Variants in SPEF2 observed in about 807,000 individuals in gnomAD.
The protein encoded by SPEF2 is sperm flagella and cilia-associated protein 2.
SPEF2 carries 187 observed loss-of-function variants against 224.6 expected under a neutral mutation model. That is an observed-to-expected ratio of 0.83 (90% CI 0.74 to 0.94). The LOEUF is 0.94. SPEF2 is among the 40% of genes least tolerant of loss of function. The pLI is 0.00. For synonymous variants in SPEF2, 715 were observed against 707.3 expected, an observed-to-expected ratio of 1.01 and a Z score of -0.17; for missense variants, 2,170 against 2,135.6, an observed-to-expected ratio of 1.02 and a Z score of -0.32.
In SPEF2 at chr5:35,779,087, G is replaced by C. The variant is rs1267958868; in HGVS notation, c.4218-30G>C. 2.6e-6 allele frequency: 4 copies of C among 1,536,368 alleles called. No homozygotes were observed. The African/African-American group carries it at 4.1e-5, about 16-fold the overall frequency. Reference sequence around the variant, plus strand: ...ATTAATCTAATAGTATCTTTCATGGGGTTAACGCTATCCATTTTACCACTT... The same window carrying C: ...ATTAATCTAATAGTATCTTTCATGGCGTTAACGCTATCCATTTTACCACTT... On this transcript the variant is annotated intron_variant, in intron 29 of 36. Transcript: ENST00000356031.
At chr5:35,752,855 G>A (rs1052520390) in intron 23 of SPEF2, among the ~76,000 whole-genome samples, 1 of 151,412 alleles carries the variant, frequency 6.6e-6, no homozygotes, top group Non-Finnish European at 1.5e-5. Context: ...CAAGTATAGT[G>A]ACTTATGTTC....
chr5:35,635,740 G>A (rs776253184), intron 2 of SPEF2, among the ~76,000 whole-genome samples: 9 of 152,120 alleles, frequency 5.9e-5, no homozygotes, highest in Non-Finnish European at 1.2e-4. Flanking sequence ...ATAACTCCAA[G>A]AACAGTCTTT....
At chr5:35,673,640 A>C (rs115333524) in intron 10 of SPEF2, among the ~76,000 whole-genome samples, 2,074 of 152,320 alleles carry the variant, frequency 0.014, 30 homozygotes, top group South Asian at 0.054. Context: ...ATGTTGTCTT[A>C]AGTTGTTCAT....
chr5:35,647,060 G>A, intron 5 of SPEF2, among the ~76,000 whole-genome samples: 1 of 150,188 alleles, frequency 6.7e-6, no homozygotes, highest in East Asian at 2.0e-4. Flanking sequence ...CTGGACTCCT[G>A]TGTTGAAAAA....
intron 8 of SPEF2, among the ~76,000 whole-genome samples, chr5:35,666,540 G>A (rs557917964): frequency 7.9e-5 from 12 of 152,166 alleles, no homozygotes; most frequent in Admixed American, 6.5e-4. Context: ...AACATTTGTT[G>A]GCAAATGTGT....
chr5:35,690,146 T>C (rs759297381), intron 10 of SPEF2, among the ~76,000 whole-genome samples: 17 of 152,162 alleles, frequency 1.1e-4, no homozygotes, highest in Non-Finnish European at 2.4e-4. Context: ...ATTTATAAAA[T>C]ATGTAATAAT....
At chr5:35,749,489 A>T (rs1007338985) in intron 23 of SPEF2, among the ~76,000 whole-genome samples, 4 of 152,266 alleles carry the variant, frequency 2.6e-5, no homozygotes, top group South Asian at 2.1e-4. Context: ...AGAACTGATT[A>T]AAAAATTCAG....
chr5:35,718,506 G>A (rs1743029287), intron 20 of SPEF2, among the ~76,000 whole-genome samples: 1 of 152,080 alleles, frequency 6.6e-6, no homozygotes, highest in African/African-American at 2.4e-5. Flanking sequence ...GTACATGAAG[G>A]AGAGGGAAGT....
At chr5:35,679,691 T>G (rs1328855402) in intron 10 of SPEF2, among the ~76,000 whole-genome samples, 1 of 152,222 alleles carries the variant, frequency 6.6e-6, no homozygotes, top group Non-Finnish European at 1.5e-5. Flanking sequence ...TGACATGGGC[T>G]GCTCTTCCCC....
intron 24 of SPEF2, among the ~76,000 whole-genome samples, chr5:35,755,873 G>T (rs879809833): frequency 6.6e-6 from 1 of 152,134 alleles, no homozygotes; most frequent in African/African-American, 2.4e-5. Context: ...GCCTCCCAAA[G>T]TGCTGGGATT....
intron 20 of SPEF2, among the ~76,000 whole-genome samples, chr5:35,721,370 AC>A (rs1380231958): frequency 6.6e-6 from 1 of 152,154 alleles, no homozygotes; most frequent in Non-Finnish European, 1.5e-5. Context: ...ATCAATTTTA[AC>A]TTTAAGGTAA....
At chr5:35,740,321 C>T in intron 23 of SPEF2, 54 bp downstream of exon 23, 1 of 1,598,982 alleles carries the variant, frequency 6.3e-7, no homozygotes. Flanking sequence ...ATATCTTGTC[C>T]TGCAAAACCC....
chr5:35,782,357 C>T (rs1754464318), intron 30 of SPEF2, among the ~76,000 whole-genome samples: 1 of 152,174 alleles, frequency 6.6e-6, no homozygotes, highest in South Asian at 2.1e-4. Context: ...GAAATAAAAA[C>T]ATTTTCCTAT....
chr5:35,775,234 G>C (rs1580689285), intron 28 of SPEF2, among the ~76,000 whole-genome samples: 1 of 151,042 alleles, frequency 6.6e-6, no homozygotes, highest in South Asian at 2.1e-4. Context: ...AATCCAGCCT[G>C]GGCAACATAG....
At chr5:35,702,253 C>G (rs1561223869) in intron 16 of SPEF2, 3 of 456,084 alleles carry the variant, frequency 6.6e-6, no homozygotes, top group African/African-American at 6.0e-5. Flanking sequence ...TGAAGAACAT[C>G]TTCACAGAGA....
chr5:35,669,590 G>T (rs77213932), intron 9 of SPEF2, among the ~76,000 whole-genome samples: 1 of 151,988 alleles, frequency 6.6e-6, no homozygotes, highest in African/African-American at 2.4e-5. Context: ...TAAAATGTCC[G>T]GAACTTAGTG....
In SPEF2 at chr5:35,679,671, A is replaced by G. The variant is rs1561184562; in HGVS notation, c.1524+9444A>G. On this transcript the variant is annotated intron_variant, in intron 10 of 36. Transcript: ENST00000356031. ...CAGCTTCTGCTGTAGAGCAGATTGT[A>G]CGTACCCATTGACATGGGCTGCTCT... is the stretch of plus-strand genomic sequence containing the variant. Among the ~76,000 whole-genome samples, 3 of 152,222 alleles carry G rather than the reference A, an allele frequency of 2.0e-5. No individual in the cohort carries two copies. The South Asian group carries it at 6.2e-4, about 32-fold the overall frequency.
In SPEF2 at chr5:35,793,330, C is replaced by T; in HGVS notation, c.4726C>T (p.Gln1576Ter). 6.2e-7 allele frequency: 1 copy of T among 1,611,696 alleles called. No individual in the cohort carries two copies. The highest frequency in any genetic ancestry group is 8.5e-7 in the Non-Finnish European group (1 of 1,179,342). Residue 1576 changes from glutamine (Q) to a stop codon, truncating the protein, a stop_gained, in exon 32 of 37, where the codon CAG becomes TAG. Coordinates refer to ENST00000356031, the MANE Select transcript of SPEF2 (RefSeq NM_024867.4). LOFTEE classifies it high-confidence loss of function. ...GCAGTTGGGCACCATCACTTTTGAG[C>T]AGTATATGCAGGTTGTTACCAGCAC... ...KEQLGTITFE[Q>*]YMQAGLWFTG...
At chr5:35,628,189 T>TA (rs200306694) in intron 1 of SPEF2, among the ~76,000 whole-genome samples, 6 of 152,016 alleles carry the variant, frequency 3.9e-5, no homozygotes, top group East Asian at 1.9e-4. Flanking sequence ...GGTAGCATTT[T>TA]AAAAAAAAAT....
Sources: allele counts gnomAD v4.1 joint callset (sites outside exome capture counted in the v4.1 genomes callset), GRCh38; gene constraint gnomAD v4.1.1; transcripts MANE v1.5; gene names NCBI Gene and HGNC (gene_info 2026-07-23, HGNC 2026-07-21).